Variants in CLVS2 observed in about 807,000 individuals in gnomAD.
CLVS2 encodes the protein clavesin 2, also known as clavesin-2.
CLVS2 carries 19 observed loss-of-function variants against 29.0 expected under a neutral mutation model. The ratio of observed to expected loss-of-function variants is 0.66; its 90% CI spans 0.46 to 0.96. The LOEUF (loss-of-function observed/expected upper bound fraction) is 0.96. Among genes scored for constraint, CLVS2 ranks in the 40% least tolerant of loss-of-function variants. CLVS2 has a pLI of 0.00. For synonymous variants in CLVS2, 161 were observed against 151.3 expected, an observed-to-expected ratio of 1.06 and a Z score of -0.47; for missense variants, 294 against 404.1, an observed-to-expected ratio of 0.73 and a Z score of 2.34.
At chr6:123,046,591 G>A (rs1435692597) in intron 3 of CLVS2, among the ~76,000 whole-genome samples, 2 of 151,720 alleles carry the variant, frequency 1.3e-5, no homozygotes, top group Non-Finnish European at 2.9e-5. Context: ...CCTGGGAGGA[G>A]GAAATTGCAG....
intron 2 of CLVS2, among the ~76,000 whole-genome samples, chr6:123,004,384 A>G (rs1371722109): frequency 6.6e-6 from 1 of 152,222 alleles, no homozygotes; most frequent in African/African-American, 2.4e-5. Context: ...GTAAAATTAA[A>G]GCAAGGCTCA....
At position 123,056,041 on chromosome 6, in the gene CLVS2, G is replaced by C. The variant is rs1366259084; in HGVS notation, c.896+15G>C. The stretch of plus-strand genomic sequence containing the variant: ...TCCATGAAGAGGTATGCTGGAGGTA[G>C]ACTGGGGAGTGGGCTGGGCCAGGGC... On this transcript the variant is annotated intron_variant, in intron 5 of 5. Transcript: ENST00000275162. The C allele has an allele frequency of 6.3e-7, 1 of 1,587,430 alleles. No individual in the cohort carries two copies. The highest frequency in any genetic ancestry group is 1.3e-5 in the African/African-American group (1 of 74,524).
chr6:123,011,354 C>T (rs143427910), intron 3 of CLVS2, among the ~76,000 whole-genome samples, 195 bp downstream of exon 3: 165 of 152,106 alleles, frequency 1.1e-3, no homozygotes, highest in African/African-American at 3.7e-3. Context: ...GTTTGTGACA[C>T]TAGTACAGTG....
chr6:123,028,509 CA>C (rs949168306), intron 3 of CLVS2, among the ~76,000 whole-genome samples: 3 of 152,158 alleles, frequency 2.0e-5, no homozygotes, highest in African/African-American at 4.8e-5. Flanking sequence ...AACAAACAAA[CA>C]AACCAAACAA....
At position 123,042,321 on chromosome 6, in the gene CLVS2, G is replaced by GA. The variant is rs1224161408; in HGVS notation, c.565-6295dup. 6.6e-4 allele frequency among the ~76,000 whole-genome samples: 100 copies of GA among 152,156 alleles called. 1 individual carries two copies. Among genetic ancestry groups the GA allele is most frequent in the Non-Finnish European group, 3.8e-4 (26 of 67,982 alleles). ...TCCTAAGTGTTAAATAACTTGGTAAGAAAAAATATTATTTATTATTGCTTT... is the reference window on the plus strand; with the variant it reads ...TCCTAAGTGTTAAATAACTTGGTAAGAAAAAAATATTATTTATTATTGCTTT... On this transcript the variant is annotated intron_variant, in intron 3 of 5. Coordinates refer to ENST00000275162, the MANE Select transcript of CLVS2 (RefSeq NM_001010852.4).
chr6:123,032,792 A>G (rs777770438), intron 3 of CLVS2, among the ~76,000 whole-genome samples: 8 of 152,120 alleles, frequency 5.3e-5, no homozygotes, highest in South Asian at 2.1e-4. Context: ...GGTAGGGTCC[A>G]TGCTTACCTT....
Position 123,072,029 on chromosome 6 carries a change from A to G in CLVS2, c.*8268A>G, listed in dbSNP as rs1772957555. On this transcript the variant is annotated 3_prime_UTR_variant, in exon 6 of 6. Coordinates refer to ENST00000275162, the MANE Select transcript of CLVS2 (RefSeq NM_001010852.4). ...ATTTCCTATTTGGACTGACTTCTCC[A>G]TAATTTTAGTAACTAAATGACCTAG... 2 of 151,970 alleles carry G rather than the reference A, an allele frequency of 1.3e-5. No homozygotes were observed. The highest frequency in any genetic ancestry group is 1.3e-4 in the Admixed American group (2 of 15,222). 9.4% of individuals were successfully genotyped at this position (151,970 alleles called of 1,614,324 possible).
At chr6:123,050,391 GA>G (rs1772587783) in intron 4 of CLVS2, among the ~76,000 whole-genome samples, 1 of 152,128 alleles carries the variant, frequency 6.6e-6, no homozygotes, top group Non-Finnish European at 1.5e-5. Context: ...TAGTACTTAC[GA>G]CACCACTTTG....
intron 2 of CLVS2, among the ~76,000 whole-genome samples, chr6:123,005,923 A>T (rs1774661404): frequency 6.6e-6 from 1 of 152,232 alleles, no homozygotes; most frequent in Non-Finnish European, 1.5e-5. Flanking sequence ...AGCATGGTCT[A>T]TGCCCTTGGG....
At chr6:123,025,320 A>G (rs1364794431) in intron 3 of CLVS2, among the ~76,000 whole-genome samples, 2 of 152,142 alleles carry the variant, frequency 1.3e-5, no homozygotes, top group Admixed American at 6.6e-5. Context: ...GATCTGATTC[A>G]CAGTTGGTGG....
intron 5 of CLVS2, among the ~76,000 whole-genome samples, chr6:123,056,842 C>A (rs890361399): frequency 2.6e-5 from 4 of 152,174 alleles, no homozygotes; most frequent in Non-Finnish European, 4.4e-5. Context: ...ATATCTCTGC[C>A]AAGTCTTTGT....
chr6:123,024,141 C>T (rs1774964740), intron 3 of CLVS2, among the ~76,000 whole-genome samples: 1 of 152,110 alleles, frequency 6.6e-6, no homozygotes, highest in Admixed American at 6.6e-5. Flanking sequence ...TATACCATCC[C>T]CATTTTCTGA....
intron 2 of CLVS2, 146 bp from the exon 3 acceptor site, chr6:123,010,838 CT>C (rs1161227060): frequency 2.2e-6 from 1 of 461,856 alleles, no homozygotes; most frequent in East Asian, 3.5e-5. Context: ...AATTAAACCT[CT>C]TCCTAAAATA....
At chr6:123,009,988 A>T (rs1055416207) in intron 2 of CLVS2, among the ~76,000 whole-genome samples, 1 of 151,788 alleles carries the variant, frequency 6.6e-6, no homozygotes, top group African/African-American at 2.4e-5. Flanking sequence ...ATGTTTCTCA[A>T]ATACAATAAG....
intron 3 of CLVS2, among the ~76,000 whole-genome samples, chr6:123,014,050 C>A (rs1774790383): frequency 6.6e-6 from 1 of 152,096 alleles, no homozygotes; most frequent in African/African-American, 2.4e-5. Flanking sequence ...TTTTCTTAAT[C>A]CAGTCTATCG....
intron 3 of CLVS2, among the ~76,000 whole-genome samples, chr6:123,044,104 C>T (rs1288998396): frequency 6.6e-6 from 1 of 152,152 alleles, no homozygotes; most frequent in African/African-American, 2.4e-5. Flanking sequence ...GGAGTGGAAG[C>T]AGGTGAATTG....
At chr6:123,020,957 C>T (rs1433456750) in intron 3 of CLVS2, among the ~76,000 whole-genome samples, 2 of 151,578 alleles carry the variant, frequency 1.3e-5, no homozygotes, top group African/African-American at 4.8e-5. Flanking sequence ...AATTTCATTG[C>T]TGCAAATCTT....
At chr6:123,005,712 T>G (rs559384174) in intron 2 of CLVS2, among the ~76,000 whole-genome samples, 1 of 152,230 alleles carries the variant, frequency 6.6e-6, no homozygotes, top group Non-Finnish European at 1.5e-5. Flanking sequence ...GCTTCTCTGA[T>G]CTAAAAAATT....
At position 123,063,739 on chromosome 6, in the gene CLVS2, A is replaced by T. The variant is rs764576446; in HGVS notation, c.962A>T (p.Gln321Leu). The T allele has an allele frequency of 2.5e-6, 4 of 1,609,564 alleles. No individual in the cohort carries two copies. Among genetic ancestry groups the T allele is most frequent in the East Asian group, 2.2e-5 (1 of 44,822 alleles). Reference protein sequence around the residue: ...RMDKNEEENMQPLLSLD With the variant: ...RMDKNEEENMLPLLSLD ...GATAAAAATGAGGAAGAAAACATGC[A>T]ACCATTGCTTTCTCTGGACTAATAA... The change falls in exon 6 of 6, where the codon CAA (glutamine) becomes CTA (leucine). Residue 321 changes from glutamine to leucine, a missense_variant. Gln to Leu is a moderately radical substitution (Grantham distance 113). This residue lies in a region of CLVS2 where 82 missense variants were observed against 67.8 expected (regional missense o/e 1.21). Coordinates refer to ENST00000275162, the MANE Select transcript of CLVS2 (RefSeq NM_001010852.4).
Sources: allele counts gnomAD v4.1 joint callset (sites outside exome capture counted in the v4.1 genomes callset), GRCh38; gene constraint gnomAD v4.1.1; regional missense constraint gnomAD v4.1.1; transcripts MANE v1.5; gene names NCBI Gene and HGNC (gene_info 2026-07-23, HGNC 2026-07-21).